The following DMD variants were observed in gnomAD, a reference collection of about 807,000 sequenced individuals.
DMD encodes the protein dystrophin, also known as mutant dystrophin.
DMD carries 63 observed loss-of-function variants against 330.1 expected under a neutral mutation model. The observed-to-expected ratio is 0.19, with a 90% CI of 0.16 to 0.24. DMD has a LOEUF of 0.24. Ranked by LOEUF, DMD falls within the 10% of genes least tolerant of loss-of-function variation. DMD has a pLI of 1.00. For synonymous variants in DMD, 1,223 were observed against 959.8 expected (o/e 1.27, Z -5.07); for missense variants, 3,344 against 2,684.1 (o/e 1.25, Z -5.43).
intron 41 of DMD, among the ~76,000 whole-genome samples, chrX:32,313,752 C>T (rs1282057224): frequency 9.0e-6 from 1 of 110,886 alleles, no homozygotes. Context: ...TCCTATAAAC[C>T]AATAACAGAC....
At chrX:32,400,179 T>C (rs1458541076) in intron 30 of DMD, among the ~76,000 whole-genome samples, 4 of 112,041 alleles carry the variant, frequency 3.6e-5, no homozygotes, top group African/African-American at 1.3e-4. Context: ...CGTTGTTGAA[T>C]TTTGTCAAAG....
At chrX:32,420,966 G>A (rs1221660323) in intron 29 of DMD, among the ~76,000 whole-genome samples, 1 of 111,463 alleles carries the variant, frequency 9.0e-6, no homozygotes, top group African/African-American at 3.3e-5. Context: ...TTGGACTACA[G>A]TGCCATGGAT....
At chrX:31,776,221 C>A (rs1296036828) in intron 50 of DMD, among the ~76,000 whole-genome samples, 1 of 110,945 alleles carries the variant, frequency 9.0e-6, no homozygotes, top group Admixed American at 9.6e-5. Context: ...CTGCAGAACA[C>A]CAGGCTGACT....
chrX:31,722,620 C>T (rs1251304868), intron 52 of DMD, among the ~76,000 whole-genome samples: 2 of 111,428 alleles, frequency 1.8e-5, no homozygotes, highest in Non-Finnish European at 3.8e-5. Flanking sequence ...CTAAACACAA[C>T]AATCTTTAAT....
chrX:32,965,286 G>T (rs1395554469), intron 2 of DMD, among the ~76,000 whole-genome samples: 1 of 111,438 alleles, frequency 9.0e-6, no homozygotes, highest in Admixed American at 9.6e-5. Context: ...GAGGTCAGGA[G>T]TTCAAGACCA....
intron 7 of DMD, among the ~76,000 whole-genome samples, chrX:32,752,556 C>T (rs2070966582): frequency 9.6e-6 from 1 of 104,050 alleles, no homozygotes; most frequent in South Asian, 4.4e-4. Context: ...TCTAGGATGA[C>T]ACTTTGGACT....
chrX:32,002,151 C>T (rs957089961), intron 44 of DMD, among the ~76,000 whole-genome samples: 13 of 111,435 alleles, frequency 1.2e-4, no homozygotes, highest in African/African-American at 3.6e-4. Context: ...AAATTCCAGT[C>T]GCTGTTGCCT....
chrX:32,568,194 C>A (rs1162929630), intron 15 of DMD, among the ~76,000 whole-genome samples: 1 of 111,774 alleles, frequency 8.9e-6, no homozygotes, highest in Non-Finnish European at 1.9e-5. Context: ...GTAAGCATTA[C>A]AAAAATGAAA....
intron 1 of DMD, chrX:33,041,578 A>T: frequency 1.7e-6 from 2 of 1,209,575 alleles, no homozygotes; most frequent in Middle Eastern, 3.2e-4. Context: ...AGAATCCCGG[A>T]TGATGATCCC....
In DMD at chrX:33,198,083, G is replaced by T. The variant is rs766027542; in HGVS notation, c.31+13199C>A. Among the ~76,000 whole-genome samples, 357 of 111,411 alleles carry T rather than the reference G, an allele frequency of 3.2e-3. 1 individual carries two copies. Among genetic ancestry groups the T allele is most frequent in the African/African-American group, 0.011 (336 of 30,746 alleles). Reference sequence around the variant, plus strand: ...CTTTGCATCCCTGTTAGCTTTCAGTGTTGTCACTGTTTTTCTTTTTTTAAT... The same window carrying T: ...CTTTGCATCCCTGTTAGCTTTCAGTTTTGTCACTGTTTTTCTTTTTTTAAT... On this transcript the variant is annotated intron_variant, in intron 1 of 78. Coordinates refer to ENST00000357033, the MANE Select transcript of DMD (RefSeq NM_004006.3).
chrX:32,518,248 C>A (rs999520796), intron 17 of DMD, 117 bp from the exon 18 acceptor site: 7 of 729,044 alleles, frequency 9.6e-6, no homozygotes, highest in African/African-American at 8.6e-5. Flanking sequence ...CTGCCTGACA[C>A]CTCTATTAGT....
At chrX:32,289,443 A>G (rs111316166) in intron 42 of DMD, among the ~76,000 whole-genome samples, 4 of 110,434 alleles carry the variant, frequency 3.6e-5, no homozygotes, top group South Asian at 3.9e-4. Flanking sequence ...AACTAGAACA[A>G]CTCCATCTTG....
chrX:32,620,414 T>C (rs1218392236), intron 11 of DMD, among the ~76,000 whole-genome samples: 2 of 112,418 alleles, frequency 1.8e-5, no homozygotes, highest in Non-Finnish European at 3.8e-5. Flanking sequence ...GCATTTCATA[T>C]TCCTTTTGAG....
chrX:31,198,386 A>G (rs952724110), intron 67 of DMD, among the ~76,000 whole-genome samples: 2 of 111,041 alleles, frequency 1.8e-5, no homozygotes, highest in Non-Finnish European at 3.8e-5. Flanking sequence ...GCATGGCAAC[A>G]ATAATTTATT....
intron 55 of DMD, among the ~76,000 whole-genome samples, chrX:31,626,253 G>C (rs1358276767): frequency 1.3e-4 from 15 of 111,467 alleles, no homozygotes; most frequent in Admixed American, 1.2e-3. Context: ...CCAAAGTGCT[G>C]GGGTTACAGG....
At chrX:32,110,167 A>G (rs961313683) in intron 44 of DMD, among the ~76,000 whole-genome samples, 2 of 111,946 alleles carry the variant, frequency 1.8e-5, no homozygotes, top group African/African-American at 6.5e-5. Flanking sequence ...GCTGCCTTCA[A>G]TTCATTTTTA....
intron 2 of DMD, among the ~76,000 whole-genome samples, chrX:32,903,282 C>A (rs2149309053): frequency 9.5e-6 from 1 of 105,564 alleles, no homozygotes; most frequent in East Asian, 2.9e-4. Context: ...GTATAAAAAT[C>A]ATAACTCTTC....
chrX:32,976,072 T>G lies in DMD; in HGVS notation c.93+44067A>C, dbSNP rs752422743. On this transcript the variant is annotated intron_variant, in intron 2 of 78. Coordinates refer to ENST00000357033, the MANE Select transcript of DMD (RefSeq NM_004006.3). ...CCCATCTCTACTAAAAATACAAAAA[T>G]TAGCTGGGTGTGGTGGCGCAAGCCT... is the stretch of plus-strand genomic sequence containing the variant. 3.6e-5 allele frequency among the ~76,000 whole-genome samples: 4 copies of G among 111,199 alleles called. No individual in the cohort carries two copies. The South Asian group carries it at 1.5e-3, about 42-fold the overall frequency.
At chrX:32,289,376 C>T (rs1174087867) in intron 42 of DMD, among the ~76,000 whole-genome samples, 5 of 110,261 alleles carry the variant, frequency 4.5e-5, no homozygotes, top group Non-Finnish European at 9.5e-5. Flanking sequence ...CTCTACTACC[C>T]TTAGGATTAA....
Sources: allele counts gnomAD v4.1 joint callset (sites outside exome capture counted in the v4.1 genomes callset), GRCh38; gene constraint gnomAD v4.1.1; transcripts MANE v1.5; gene names NCBI Gene and HGNC (gene_info 2026-07-23, HGNC 2026-07-21).